Variants in PSEN2 observed in about 807,000 individuals in gnomAD.
PSEN2 encodes the protein presenilin 2, also known as presenilin-2.
In PSEN2, 32 loss-of-function variants were observed where a neutral mutation model predicts 49.1. The ratio of observed to expected loss-of-function variants is 0.65; its 90% confidence interval spans 0.49 to 0.88. The LOEUF (loss-of-function observed/expected upper bound fraction) is 0.88. Among genes scored for constraint, PSEN2 ranks in the 40% least tolerant of loss-of-function variants. The pLI, the probability that PSEN2 is intolerant of heterozygous loss-of-function variation, is 0.00. For missense variants in PSEN2, 522 were observed against 586.9 expected (o/e 0.89, Z 1.14); for synonymous variants, 255 against 244.0 (o/e 1.05, Z -0.42).
rs540572061 is a variant in PSEN2, at chr1:226,887,975, C to G, written c.499-116C>G. The G allele has an allele frequency of 4.7e-5, 41 of 872,414 alleles. No individual in the cohort carries two copies. In the South Asian group the frequency reaches 5.5e-4, roughly 12 times the overall value. The allele number at this position is 872,414 out of a possible 1,614,324, so 54.0% of individuals were successfully genotyped here. On this transcript the variant is annotated intron_variant, in intron 6 of 12. Coordinates refer to ENST00000366783, the MANE Select transcript of PSEN2 (RefSeq NM_000447.3). The stretch of plus-strand genomic sequence containing the variant: ...GCCACCTGATCCCTTCCAGCGTAGG[C>G]ATGAAGTAGCCTAATGAAGAGCATT...
At chr1:226,892,652 A>G (rs1462161125) in intron 11 of PSEN2, among the ~76,000 whole-genome samples, 1 of 152,114 alleles carries the variant, frequency 6.6e-6, no homozygotes, top group Non-Finnish European at 1.5e-5. Context: ...GTGGGTCTGG[A>G]AGGAGGAGCA....
At chr1:226,895,215 C>G (rs1571973933) in intron 12 of PSEN2, among the ~76,000 whole-genome samples, 1 of 152,228 alleles carries the variant, frequency 6.6e-6, no homozygotes. Flanking sequence ...GGTTCACTCA[C>G]TAACAGGTGA....
At chr1:226,897,025 G>A (rs1416498532), downstream of PSEN2, among the ~76,000 whole-genome samples, 1 of 152,178 alleles carries the variant, frequency 6.6e-6, no homozygotes, top group Non-Finnish European at 1.5e-5. Context: ...AAAATGTGGT[G>A]CCCTAAGAAG....
intron 2 of PSEN2, among the ~76,000 whole-genome samples, chr1:226,872,090 CCTGT>C (rs1660335479): frequency 6.6e-6 from 1 of 152,246 alleles, no homozygotes; most frequent in African/African-American, 2.4e-5. Context: ...GTGGCTTGTT[CCTGT>C]CTATTTGAAA....
In PSEN2 at chr1:226,889,723, A is replaced by T. The variant is rs954125394; in HGVS notation, c.788-312A>T. Among the ~76,000 whole-genome samples the T allele has an allele frequency of 2.0e-5, 3 of 152,236 alleles. No homozygotes were observed. The South Asian group carries it at 6.2e-4, about 32-fold the overall frequency. ...TTAGCTGCTATTTGATATTAGCATGATTATCATTGCCAGTATTGTTACTTC... is the reference window on the plus strand; with the variant it reads ...TTAGCTGCTATTTGATATTAGCATGTTTATCATTGCCAGTATTGTTACTTC... On this transcript the variant is annotated intron_variant, in intron 8 of 12. Coordinates refer to ENST00000366783, the MANE Select transcript of PSEN2 (RefSeq NM_000447.3).
At chr1:226,889,148 A>G (rs772186787) in intron 8 of PSEN2, 99 bp downstream of exon 8, 7 of 1,139,482 alleles carry the variant, frequency 6.1e-6, no homozygotes, top group African/African-American at 1.5e-5. Context: ...AAGGGCTTGC[A>G]TCCCTTTCTG....
Position 226,890,119 on chromosome 1 carries a change from C to A in PSEN2, c.872C>A (p.Ala291Asp). The A allele has an allele frequency of 6.2e-7, 1 of 1,613,038 alleles. No individual in the cohort carries two copies. Among genetic ancestry groups the A allele is most frequent in the Non-Finnish European group, 8.5e-7 (1 of 1,178,992 alleles). Residue 291 changes from alanine to aspartate, a missense_variant, in exon 9 of 13, where the codon GCC becomes GAC. Ala to Asp is a moderately radical substitution (Grantham distance 126). Coordinates refer to ENST00000366783, the MANE Select transcript of PSEN2 (RefSeq NM_000447.3). ...AQERNEPIFP[A>D]LIYSSAMVWT... ...GAGAGAAATGAGCCCATATTCCCTG[C>A]CCTGATATACTCATGTGAGTGAGCC...
In PSEN2 at chr1:226,873,470, C is replaced by T. The variant is rs930191367; in HGVS notation, c.-206-1895C>T. Among the ~76,000 whole-genome samples the T allele has an allele frequency of 2.6e-5, 4 of 152,016 alleles. No individual in the cohort carries two copies. In the East Asian group the frequency reaches 7.7e-4, roughly 29 times the overall value. The stretch of plus-strand genomic sequence containing the variant: ...CACTCTTGTTGCCCAGGCTGGAGTG[C>T]GATGGTATGATCTCAGCTAACTGCA... On this transcript the variant is annotated intron_variant, in intron 2 of 12. Transcript: ENST00000366783.
intron 6 of PSEN2, among the ~76,000 whole-genome samples, 197 bp downstream of exon 6, chr1:226,885,876 T>C (rs1661329155): frequency 6.6e-6 from 1 of 152,186 alleles, no homozygotes. Context: ...TTTTATTTAT[T>C]TTCTTTTTCT....
chr1:226,897,761 T>C (rs1800672), downstream of PSEN2: 42,283 of 155,362 alleles, frequency 0.27, 6,243 homozygotes, highest in African/African-American at 0.38. Context: ...AAGTCCTGTT[T>C]GTATGTGGCC....
intron 3 of PSEN2, chr1:226,880,671 C>T (rs200459699): frequency 2.5e-5 from 40 of 1,612,768 alleles, no homozygotes; most frequent in Non-Finnish European, 1.7e-6. Flanking sequence ...GTCAGATTTG[C>T]CAGGCATTGT....
chr1:226,884,434 T>G (rs1313149439), intron 5 of PSEN2, among the ~76,000 whole-genome samples: 1 of 152,222 alleles, frequency 6.6e-6, no homozygotes, highest in East Asian at 1.9e-4. Context: ...TCGTTTATTT[T>G]AGTAAAATAC....
intron 8 of PSEN2, 75 bp from the exon 9 acceptor site, chr1:226,889,960 C>T (rs1661629726): frequency 8.4e-7 from 1 of 1,188,306 alleles, no homozygotes; most frequent in South Asian, 1.2e-5. Context: ...ACCCGGGGCT[C>T]CTGTGCTACA....
At chr1:226,876,955 C>T (rs1430358864) in intron 3 of PSEN2, among the ~76,000 whole-genome samples, 2 of 152,132 alleles carry the variant, frequency 1.3e-5, no homozygotes, top group East Asian at 1.9e-4. Flanking sequence ...CTCCCCATGC[C>T]GCTCTGCTGG....
intron 3 of PSEN2, among the ~76,000 whole-genome samples, chr1:226,877,030 G>A (rs952296016): frequency 6.6e-6 from 1 of 152,152 alleles, no homozygotes; most frequent in Non-Finnish European, 1.5e-5. Context: ...GTATTCAGGA[G>A]AAAGTGTTCA....
At chr1:226,871,935 G>A (rs1660324864) in intron 2 of PSEN2, among the ~76,000 whole-genome samples, 1 of 152,274 alleles carries the variant, frequency 6.6e-6, no homozygotes, top group Non-Finnish European at 1.5e-5. Context: ...GGGTTCCAGG[G>A]CAGAGACTGG....
At position 226,894,074 on chromosome 1, in the gene PSEN2, G is replaced by A. The variant is rs377494557; in HGVS notation, c.1140G>A (p.Thr380=). ...YSVLVGKAAA[T]GSGDWNTTLA... ...TGCTGGTGGGCAAGGCGGCTGCCAC[G>A]GGCAGCGGGGACTGGAATACCACGC... The change falls in exon 12 of 13, where the codon ACG becomes ACA. Residue 380 remains threonine, a synonymous_variant. Transcript: ENST00000366783. 15 of 1,614,084 alleles carry A rather than the reference G, an allele frequency of 9.3e-6. No individual in the cohort carries two copies. Among genetic ancestry groups the A allele is most frequent in the African/African-American group, 1.3e-5 (1 of 74,940 alleles).
intron 3 of PSEN2, among the ~76,000 whole-genome samples, chr1:226,879,861 G>A (rs962977268): frequency 1.3e-5 from 2 of 152,238 alleles, no homozygotes; most frequent in Non-Finnish European, 2.9e-5. Context: ...AGAAGGTGCT[G>A]CAGGCTGGGG....
chr1:226,872,681 A>T (rs1002612215), intron 2 of PSEN2, among the ~76,000 whole-genome samples: 2 of 152,238 alleles, frequency 1.3e-5, no homozygotes, highest in African/African-American at 4.8e-5. Flanking sequence ...GCGGGTTTTC[A>T]GCTGTTGCTT....
Sources: gnomAD v4.1 joint callset for allele counts (sites outside exome capture counted in the v4.1 genomes callset) on GRCh38, gnomAD v4.1.1 for gene constraint, MANE v1.5 for transcripts, NCBI Gene and HGNC (gene_info 2026-07-23, HGNC 2026-07-21) for gene names.